Variants in SMS observed in about 807,000 individuals in gnomAD.
SMS encodes spermine synthase, also known as spermidine aminopropyltransferase.
In SMS, 3 loss-of-function variants were observed where a neutral mutation model predicts 33.0. That is an observed-to-expected ratio of 0.09 (90% CI 0.04 to 0.23). The LOEUF (loss-of-function observed/expected upper bound fraction) is 0.23. Ranked by LOEUF, SMS falls within the 10% of genes least tolerant of loss-of-function variation. The probability of loss-of-function intolerance (pLI) is 1.00; values close to 1 mark genes in which losing one functional copy is unlikely to be tolerated. For missense variants in SMS, 117 were observed against 288.6 expected, an observed-to-expected ratio of 0.41 and a Z score of 4.31; for synonymous variants, 103 against 112.2, an observed-to-expected ratio of 0.92 and a Z score of 0.52.
At chrX:21,950,518 C>T (rs141012787) in intron 1 of SMS, among the ~76,000 whole-genome samples, 1,464 of 104,255 alleles carry the variant, frequency 0.014, 8 homozygotes, top group Middle Eastern at 0.044. Context: ...CATGTGCCAT[C>T]GTGGTCTGCT....
chrX:21,972,116 A>G (rs1924202786), intron 3 of SMS, 126 bp downstream of exon 3: 1 of 531,326 alleles, frequency 1.9e-6, no homozygotes, highest in Non-Finnish European at 3.3e-6. Context: ...CCTCCACATA[A>G]GTGATTTTAG....
At position 21,990,898 on chromosome X, in the gene SMS, C is replaced by T. The variant is rs924815253; in HGVS notation, c.946-1699C>T. Among the ~76,000 whole-genome samples the T allele has an allele frequency of 4.4e-5, 5 of 112,580 alleles. 1 individual carries two copies. The highest frequency in any genetic ancestry group is 1.6e-4 in the African/African-American group (5 of 30,973). On this transcript the variant is annotated intron_variant, in intron 9 of 10. Transcript: ENST00000404933. ...CTTGATGTTGAAACCAAATTACATG[C>T]TGGCGAAGGGCACTTTGGCCATGGC...
At chrX:21,976,238 G>T (rs1225205607) in intron 4 of SMS, among the ~76,000 whole-genome samples, 4 of 111,321 alleles carry the variant, frequency 3.6e-5, no homozygotes, top group Admixed American at 1.9e-4. Context: ...GTAAAGGTTT[G>T]TTGGGGGGTG....
At chrX:21,971,856 C>A in intron 2 of SMS, 41 bp from the exon 3 acceptor site, 1 of 898,879 alleles carries the variant, frequency 1.1e-6, no homozygotes, top group South Asian at 2.0e-5. Flanking sequence ...TTTAATGCCC[C>A]GATACAATTC....
intron 4 of SMS, among the ~76,000 whole-genome samples, chrX:21,974,749 C>A (rs2147515340): frequency 9.1e-6 from 1 of 110,447 alleles, no homozygotes; most frequent in African/African-American, 3.3e-5. Flanking sequence ...ATGCTTGTCA[C>A]AGTTTTTATT....
At chrX:21,990,260 G>A (rs922759197) in intron 9 of SMS, among the ~76,000 whole-genome samples, 3 of 112,250 alleles carry the variant, frequency 2.7e-5, no homozygotes, top group South Asian at 3.6e-4. Context: ...TGTTCACAGC[G>A]CTGTACTTCA....
At position 21,971,967 on chromosome X, in the gene SMS, C is replaced by G. The variant is rs1250656927; in HGVS notation, c.241C>G (p.Gln81Glu). 5.0e-6 allele frequency: 6 copies of G among 1,194,212 alleles called. No homozygotes were observed. Among genetic ancestry groups the G allele is most frequent in the Non-Finnish European group, 6.8e-6 (6 of 881,032 alleles). Reference protein sequence around the residue: ...LDLQSYDGDAQGKEEIDSILN... With the variant: ...LDLQSYDGDAEGKEEIDSILN... ...CCTTCAGAGTTATGATGGTGATGCG[C>G]AAGGCAAAGAAGAGATCGACAGTGT... The change falls in exon 3 of 11, where the codon CAA becomes GAA. Residue 81 changes from glutamine to glutamate, a missense_variant. This residue lies in a region of SMS where 25 missense variants were observed against 24.4 expected (regional missense o/e 1.03). Coordinates refer to ENST00000404933, the MANE Select transcript of SMS (RefSeq NM_004595.5).
At chrX:21,949,438 A>G (rs949837295) in intron 1 of SMS, among the ~76,000 whole-genome samples, 2 of 112,246 alleles carry the variant, frequency 1.8e-5, no homozygotes, top group Non-Finnish European at 1.9e-5. Context: ...TTGAAGGGTA[A>G]CGAAAGCTCT....
intron 1 of SMS, among the ~76,000 whole-genome samples, chrX:21,966,298 G>A (rs1408122137): frequency 8.0e-5 from 9 of 112,433 alleles, no homozygotes; most frequent in African/African-American, 3.2e-5. Context: ...TGGTGGGAAA[G>A]TAAAGAGTAA....
chrX:21,972,393 G>C (rs1018866418), intron 3 of SMS, 114 bp from the exon 4 acceptor site: 5 of 533,805 alleles, frequency 9.4e-6, no homozygotes, highest in Non-Finnish European at 1.7e-5. Context: ...GGTAGGAGGA[G>C]GGACAGGTCA....
chrX:21,950,980 C>G (rs1397288676), intron 1 of SMS, among the ~76,000 whole-genome samples: 3 of 111,924 alleles, frequency 2.7e-5, no homozygotes, highest in African/African-American at 9.8e-5. Context: ...ATTGCTGGGT[C>G]AGATGGTTTT....
chrX:21,973,083 A>G (rs1256592340), intron 4 of SMS, among the ~76,000 whole-genome samples: 1 of 111,568 alleles, frequency 9.0e-6, no homozygotes, highest in Non-Finnish European at 1.9e-5. Context: ...ATTCATGTGC[A>G]TGGATGCACA....
intron 7 of SMS, among the ~76,000 whole-genome samples, chrX:21,980,414 C>G (rs1924840510): frequency 6.5e-5 from 1 of 15,455 alleles, no homozygotes; most frequent in African/African-American, 2.1e-4. Flanking sequence ...GAGACTGTCT[C>G]CAAAAAAAAA....
chrX:21,984,226 C>G lies in SMS; in HGVS notation c.751-78C>G, dbSNP rs1925169626. On this transcript the variant is annotated intron_variant, in intron 7 of 10. Transcript: ENST00000404933. ...TAAGCCCATACTTGGCGCTTTTTTC[C>G]TCCTTCCTTTACTATTGTTTTTTGT... is the stretch of plus-strand genomic sequence containing the variant. The G allele has an allele frequency of 4.3e-6, 3 of 690,516 alleles. No individual in the cohort carries two copies. In the African/African-American group the frequency reaches 6.3e-5, roughly 15 times the overall value. 56.9% of individuals were successfully genotyped at this position (690,516 alleles called of 1,213,427 possible).
intron 1 of SMS, among the ~76,000 whole-genome samples, chrX:21,959,090 G>A (rs1041592858): frequency 8.9e-6 from 1 of 111,859 alleles, no homozygotes; most frequent in Admixed American, 9.5e-5. Context: ...TGTGTGTCAT[G>A]AGCTTCATTT....
chrX:21,967,085 TTTATTTAC>T lies in SMS; in HGVS notation c.50-103_50-96del, dbSNP rs750466204. 46,021 of 274,712 alleles carry T rather than the reference TTTATTTAC, an allele frequency of 0.17. 3,514 individuals carry two copies. Among genetic ancestry groups the T allele is most frequent in the African/African-American group, 0.43 (12,089 of 28,073 alleles). The allele number at this position is 274,712 out of a possible 1,213,427, so 22.6% of individuals were successfully genotyped here. The stretch of plus-strand genomic sequence containing the variant: ...ATTTATTTATTTATTTATTTATTTA[TTTATTTAC>T]TTATTTATTTATTTTTAAGCTCAGT... On this transcript the variant is annotated intron_variant, in intron 1 of 10. Transcript: ENST00000404933.
chrX:21,979,839 A>G (rs906378142), intron 7 of SMS, among the ~76,000 whole-genome samples: 8 of 106,977 alleles, frequency 7.5e-5, no homozygotes, highest in South Asian at 4.1e-4. Context: ...AAGTGTTCCT[A>G]TTTCTCCTCA....
Position 21,949,004 on chromosome X carries a change from A to T in SMS, c.49+8131A>T, listed in dbSNP as rs1922427900. On this transcript the variant is annotated intron_variant, in intron 1 of 10. Coordinates refer to ENST00000404933, the MANE Select transcript of SMS (RefSeq NM_004595.5). ...GCTAGGCACTTTTCCAGACCCCAGG[A>T]AAAACAACCCTGCGGCCCTGAGGTG... Among the ~76,000 whole-genome samples the T allele has an allele frequency of 2.7e-5, 3 of 112,326 alleles. No homozygotes were observed. The South Asian group carries it at 1.1e-3, about 42-fold the overall frequency.
At chrX:21,950,836 C>T (rs974571175) in intron 1 of SMS, among the ~76,000 whole-genome samples, 10 of 111,891 alleles carry the variant, frequency 8.9e-5, no homozygotes, top group Non-Finnish European at 1.3e-4. Context: ...TTTCTTTATC[C>T]AGTCTATCAT....
Sources: allele counts gnomAD v4.1 joint callset (sites outside exome capture counted in the v4.1 genomes callset), GRCh38; gene constraint gnomAD v4.1.1; regional missense constraint gnomAD v4.1.1; transcripts MANE v1.5; gene names NCBI Gene and HGNC (gene_info 2026-07-23, HGNC 2026-07-21).